The following TVP23C variants were observed in gnomAD, a reference collection of about 807,000 sequenced individuals.
The protein encoded by TVP23C is trans-golgi network vesicle protein 23 homolog C, also known as Golgi apparatus membrane protein TVP23 homolog C.
A neutral mutation model predicts 28.7 loss-of-function variants in TVP23C; 19 were observed. That is an observed-to-expected ratio of 0.66 (90% CI 0.46 to 0.97). The LOEUF (loss-of-function observed/expected upper bound fraction) is 0.97. Among genes scored for constraint, TVP23C ranks in the 50% least tolerant of loss-of-function variants. TVP23C has a pLI of 0.00. For synonymous variants in TVP23C, 68 were observed against 81.7 expected (o/e 0.83, Z 0.90); for missense variants, 186 against 241.3 (o/e 0.77, Z 1.52).
At chr17:15,504,831 C>T (rs1981652035) in intron 5 of TVP23C, among the ~76,000 whole-genome samples, 1 of 152,126 alleles carries the variant, frequency 6.6e-6, no homozygotes, top group Non-Finnish European at 1.5e-5. Context: ...CCACTGTGCT[C>T]CACGGAGGAT....
Position 15,502,769 on chromosome 17 carries a change from C to CTCT in TVP23C, c.*94_*95insAGA, listed in dbSNP as rs138872398. 6,409 of 1,421,786 alleles carry CTCT rather than the reference C, an allele frequency of 4.5e-3. 258 individuals carry two copies. In the African/African-American group the frequency reaches 0.081, roughly 18 times the overall value. 88.1% of individuals were successfully genotyped at this position (1,421,786 alleles called of 1,614,324 possible). On this transcript the variant is annotated 3_prime_UTR_variant, in exon 6 of 6. Coordinates refer to the TVP23C transcript ENST00000225576. Reference sequence around the variant, plus strand: ...TCTCCCGTCTCTTTCTCTCCTTCTCCGTCACTCTCTTCCCTCCCTCTCTCC... The same window carrying CTCT: ...TCTCCCGTCTCTTTCTCTCCTTCTCCTCTGTCACTCTCTTCCCTCCCTCTCTCC...
At chr17:15,535,025 A>G (rs1157286725), downstream of TVP23C, among the ~76,000 whole-genome samples, 2 of 146,392 alleles carry the variant, frequency 1.4e-5, no homozygotes, top group East Asian at 2.0e-4. Flanking sequence ...CATTCAGTCA[A>G]TTCACTTGTA....
At chr17:15,503,172 C>A (rs59631163) in exon 6 of TVP23C, 4 of 1,586,866 alleles carry the variant, frequency 2.5e-6, no homozygotes, top group Non-Finnish European at 2.6e-6. Context: ...AAGGCGGAAG[C>A]GGGAGGATCT....
At chr17:15,552,765 A>G (rs370742803) in intron 3 of TVP23C, among the ~76,000 whole-genome samples, 18 of 152,220 alleles carry the variant, frequency 1.2e-4, no homozygotes, top group East Asian at 1.2e-3. Context: ...TAGTCTTTGA[A>G]TCAGTATATG....
At chr17:15,559,431 G>GGACATTTTAAGATGCTAAAC (rs1380691245) in intron 1 of TVP23C, among the ~76,000 whole-genome samples, 5 of 148,382 alleles carry the variant, frequency 3.4e-5, no homozygotes, top group African/African-American at 1.2e-4. Context: ...GTTTGATTTT[G>GGACATTTTAAGATGCTAAAC]GACATTTTAA....
At chr17:15,522,602 A>C (rs1294831218) in intron 5 of TVP23C, among the ~76,000 whole-genome samples, 1 of 152,244 alleles carries the variant, frequency 6.6e-6, no homozygotes, top group East Asian at 1.9e-4. Flanking sequence ...TAATTTTAAA[A>C]GATAAATATG....
intron 5 of TVP23C, among the ~76,000 whole-genome samples, chr17:15,509,285 G>T (rs928164449): frequency 6.6e-6 from 1 of 152,192 alleles, no homozygotes; most frequent in African/African-American, 2.4e-5. Context: ...GAGGCTCTGG[G>T]TTCAGCCCAC....
chr17:15,503,720 T>A (rs548061000), intron 5 of TVP23C: 1 of 152,456 alleles, frequency 6.6e-6, no homozygotes, highest in South Asian at 2.1e-4. Context: ...TGAAATCTTA[T>A]GAGGAGAGGG....
chr17:15,539,594 C>A lies in TVP23C; in HGVS notation c.*818G>T. Reference sequence around the variant, plus strand: ...CTCCAGCCTGGGCGACAGAGCAAGACTCCATCTCAAGAAAAAAAAAAAAAA... The same window carrying A: ...CTCCAGCCTGGGCGACAGAGCAAGAATCCATCTCAAGAAAAAAAAAAAAAA... On this transcript the variant is annotated 3_prime_UTR_variant, in exon 6 of 6. Coordinates refer to ENST00000518321, the MANE Select transcript of TVP23C (RefSeq NM_001135036.2). 2.1e-6 allele frequency: 2 copies of A among 963,556 alleles called. No individual in the cohort carries two copies. The highest frequency in any genetic ancestry group is 9.6e-5 in the South Asian group (2 of 20,760). The allele number at this position is 963,556 out of a possible 1,614,324, so 59.7% of individuals were successfully genotyped here.
chr17:15,503,847 C>G (rs1254683874), intron 5 of TVP23C, among the ~76,000 whole-genome samples: 2 of 150,534 alleles, frequency 1.3e-5, no homozygotes, highest in Non-Finnish European at 3.0e-5. Flanking sequence ...GAAGGAAGCT[C>G]TTGTAGGATG....
At chr17:15,543,789 C>T (rs909828403) in intron 5 of TVP23C, among the ~76,000 whole-genome samples, 4 of 151,722 alleles carry the variant, frequency 2.6e-5, no homozygotes, top group African/African-American at 2.4e-5. Context: ...ACAGCTCTGA[C>T]ATAAGAGTGA....
chr17:15,507,998 T>A (rs886601398), intron 5 of TVP23C, among the ~76,000 whole-genome samples: 11 of 152,332 alleles, frequency 7.2e-5, no homozygotes, highest in African/African-American at 2.6e-4. Flanking sequence ...GCATAGTGAC[T>A]GCCATATTGT....
chr17:15,537,577 T>C lies in TVP23C; in HGVS notation c.*2835A>G, dbSNP rs1019338027. 3.4e-5 allele frequency: 33 copies of C among 984,744 alleles called. No individual in the cohort carries two copies. The highest frequency in any genetic ancestry group is 3.5e-5 in the Non-Finnish European group (29 of 829,372). 61.0% of individuals were successfully genotyped at this position (984,744 alleles called of 1,614,324 possible). On this transcript the variant is annotated 3_prime_UTR_variant, in exon 6 of 6. Transcript: ENST00000518321. ...AAGTAGTTAATACCACTGGCCCTAA[T>C]TGTTTTCACTTGCTTGCATACGTCT... is the stretch of plus-strand genomic sequence containing the variant.
intron 1 of TVP23C, among the ~76,000 whole-genome samples, chr17:15,560,622 C>T (rs1020200911): frequency 2.7e-5 from 4 of 149,206 alleles, no homozygotes; most frequent in African/African-American, 9.7e-5. Context: ...GTGGCACGAT[C>T]TCGGCTCACT....
chr17:15,514,879 G>A (rs1367555881), intron 5 of TVP23C, among the ~76,000 whole-genome samples: 1 of 152,174 alleles, frequency 6.6e-6, no homozygotes, highest in African/African-American at 2.4e-5. Context: ...CTTCTCTGGA[G>A]GATGAGACAA....
intron 5 of TVP23C, among the ~76,000 whole-genome samples, chr17:15,513,021 T>C (rs1982066927): frequency 1.3e-5 from 2 of 152,190 alleles, no homozygotes; most frequent in South Asian, 4.1e-4. Context: ...TCAGAAGCAC[T>C]TTTGGTTCTA....
At chr17:15,544,322 T>C (rs1333723690) in intron 5 of TVP23C, among the ~76,000 whole-genome samples, 2 of 152,226 alleles carry the variant, frequency 1.3e-5, no homozygotes, top group African/African-American at 4.8e-5. Flanking sequence ...AGACTGGTGA[T>C]AGGCAATGAA....
intron 5 of TVP23C, among the ~76,000 whole-genome samples, chr17:15,543,444 C>T (rs1983508800): frequency 6.6e-6 from 1 of 150,842 alleles, no homozygotes; most frequent in Admixed American, 6.6e-5. Flanking sequence ...AGAATCTACT[C>T]GAAAAGAAAA....
intron 5 of TVP23C, among the ~76,000 whole-genome samples, chr17:15,504,729 TCTCA>T (rs1436341782): frequency 6.6e-6 from 1 of 152,026 alleles, no homozygotes; most frequent in African/African-American, 2.4e-5. Context: ...AGAGACAAGG[TCTCA>T]CTATTTGGCC....
Sources: allele counts gnomAD v4.1 joint callset (sites outside exome capture counted in the v4.1 genomes callset), GRCh38; gene constraint gnomAD v4.1.1; transcripts MANE v1.5; gene names NCBI Gene and HGNC (gene_info 2026-07-23, HGNC 2026-07-21).